TMEM117: variants seen among roughly 807,000 people sequenced by gnomAD.
TMEM117 encodes transmembrane protein 117.
Under a neutral mutation model 52.4 loss-of-function variants are expected in TMEM117, and 27 were observed. The ratio of observed to expected loss-of-function variants is 0.51; its 90% CI spans 0.38 to 0.71. The LOEUF (loss-of-function observed/expected upper bound fraction) is 0.71, where lower values mean the gene tolerates loss of function less well. Among genes scored for constraint, TMEM117 ranks in the 30% least tolerant of loss-of-function variants. The pLI, the probability that TMEM117 is intolerant of heterozygous loss-of-function variation, is 0.00. For synonymous variants in TMEM117, 215 were observed against 206.3 expected, an observed-to-expected ratio of 1.04 and a Z score of -0.36; for missense variants, 556 against 630.5, an observed-to-expected ratio of 0.88 and a Z score of 1.26.
chr12:44,340,297 A>G (rs966725305), intron 6 of TMEM117, among the ~76,000 whole-genome samples: 1 of 152,160 alleles, frequency 6.6e-6, no homozygotes, highest in Non-Finnish European at 1.5e-5. Context: ...GTTGATTAAT[A>G]TAAATGGCTA....
At chr12:44,092,424 G>A (rs1194231409) in intron 3 of TMEM117, among the ~76,000 whole-genome samples, 1 of 152,112 alleles carries the variant, frequency 6.6e-6, no homozygotes, top group African/African-American at 2.4e-5. Context: ...TTTAGAACTA[G>A]GGGCTTTCCT....
At chr12:43,956,708 T>G (rs1424904064) in intron 3 of TMEM117, among the ~76,000 whole-genome samples, 1 of 152,150 alleles carries the variant, frequency 6.6e-6, no homozygotes, top group Non-Finnish European at 1.5e-5. Context: ...CTGTTGGTAA[T>G]GTAAATTAGT....
At chr12:44,124,599 G>A (rs1234821645) in intron 3 of TMEM117, among the ~76,000 whole-genome samples, 1 of 152,170 alleles carries the variant, frequency 6.6e-6, no homozygotes, top group Non-Finnish European at 1.5e-5. Flanking sequence ...TTTATTGAGA[G>A]TTTTTAACGT....
intron 3 of TMEM117, among the ~76,000 whole-genome samples, chr12:43,967,260 G>A (rs542238488): frequency 6.6e-6 from 1 of 152,136 alleles, no homozygotes; most frequent in Middle Eastern, 3.4e-3. Context: ...GGGTAACTGG[G>A]ATTACAGGCA....
intron 3 of TMEM117, among the ~76,000 whole-genome samples, chr12:43,966,064 G>T (rs967489796): frequency 1.3e-5 from 2 of 152,176 alleles, no homozygotes; most frequent in African/African-American, 4.8e-5. Flanking sequence ...CACCCATGTT[G>T]CTGCAAAGGA....
intron 4 of TMEM117, among the ~76,000 whole-genome samples, chr12:44,171,316 T>C (rs1224635236): frequency 2.0e-5 from 3 of 152,126 alleles, no homozygotes; most frequent in African/African-American, 7.2e-5. Context: ...CGCCCGGCCT[T>C]TATTAATAAA....
At chr12:44,225,496 G>A (rs573095365) in intron 5 of TMEM117, among the ~76,000 whole-genome samples, 3 of 152,060 alleles carry the variant, frequency 2.0e-5, no homozygotes, top group Non-Finnish European at 4.4e-5. Flanking sequence ...ATAAATGAAC[G>A]GATTTTTTTC....
At chr12:44,390,199 GAC>G (rs58917894), downstream of TMEM117, among the ~76,000 whole-genome samples, 15,297 of 142,848 alleles carry the variant, frequency 0.11, 1,145 homozygotes, top group African/African-American at 0.23. Flanking sequence ...AAACATATCT[GAC>G]ACACACACAC....
intron 3 of TMEM117, among the ~76,000 whole-genome samples, chr12:43,972,479 GGGGATGCAAGT>G (rs1945604980): frequency 6.6e-6 from 1 of 152,238 alleles, no homozygotes; most frequent in African/African-American, 2.4e-5. Context: ...CAGCATGGAA[GGGGATGCAAGT>G]GGGTTGCCGC....
chr12:43,950,328 G>T (rs1000900347), intron 3 of TMEM117, among the ~76,000 whole-genome samples: 1 of 152,096 alleles, frequency 6.6e-6, no homozygotes, highest in African/African-American at 2.4e-5. Context: ...TGTTCACCAA[G>T]AATTTACATT....
At chr12:43,935,655 A>G (rs910168563) in intron 2 of TMEM117, among the ~76,000 whole-genome samples, 1 of 152,234 alleles carries the variant, frequency 6.6e-6, no homozygotes, top group African/African-American at 2.4e-5. Context: ...ATTGGTCTGG[A>G]TCTTAAAAGT....
intron 5 of TMEM117, among the ~76,000 whole-genome samples, chr12:44,214,256 C>T (rs1042116428): frequency 6.6e-6 from 1 of 150,742 alleles, no homozygotes; most frequent in African/African-American, 2.4e-5. Context: ...AGTGATTCTC[C>T]TGCCTCAGCC....
intron 2 of TMEM117, among the ~76,000 whole-genome samples, chr12:43,859,044 A>C (rs1320421819): frequency 6.6e-6 from 1 of 152,140 alleles, no homozygotes; most frequent in Non-Finnish European, 1.5e-5. Context: ...GTTTGTGGGA[A>C]TCATAGAATC....
intron 6 of TMEM117, 106 bp downstream of exon 6, chr12:44,299,845 TAC>T: frequency 7.3e-7 from 1 of 1,373,704 alleles, no homozygotes. Flanking sequence ...GTACAGCATT[TAC>T]AGTTACTTTT....
At chr12:44,319,136 A>C (rs1318492025) in intron 6 of TMEM117, among the ~76,000 whole-genome samples, 1 of 152,196 alleles carries the variant, frequency 6.6e-6, no homozygotes, top group Non-Finnish European at 1.5e-5. Flanking sequence ...TCAGCACCAG[A>C]GCAAGCTCTG....
intron 3 of TMEM117, among the ~76,000 whole-genome samples, chr12:44,117,246 G>A (rs1258174945): frequency 6.6e-6 from 1 of 152,080 alleles, no homozygotes; most frequent in African/African-American, 2.4e-5. Flanking sequence ...TACCTGAAAT[G>A]TTTCCACCTC....
At chr12:44,056,871 A>G (rs936257513) in intron 3 of TMEM117, among the ~76,000 whole-genome samples, 1 of 152,320 alleles carries the variant, frequency 6.6e-6, no homozygotes, top group Middle Eastern at 3.4e-3. Context: ...AGTTTTACAG[A>G]TGAAGAAACT....
At chr12:44,029,451 C>G (rs964523494) in intron 3 of TMEM117, among the ~76,000 whole-genome samples, 3 of 152,150 alleles carry the variant, frequency 2.0e-5, no homozygotes, top group African/African-American at 7.2e-5. Context: ...TTTTTCCTCC[C>G]TAAATGGGGA....
chr12:44,180,424 A>G (rs1253499697), intron 4 of TMEM117, among the ~76,000 whole-genome samples: 1 of 151,178 alleles, frequency 6.6e-6, no homozygotes, highest in African/African-American at 2.4e-5. Context: ...ACATATGTAT[A>G]CATGTGCCAT....
Sources: allele counts gnomAD v4.1 joint callset (sites outside exome capture counted in the v4.1 genomes callset), GRCh38; gene constraint gnomAD v4.1.1; transcripts MANE v1.5; gene names NCBI Gene and HGNC (gene_info 2026-07-23, HGNC 2026-07-21).